The following ERBB4 variants were observed in gnomAD, a reference collection of about 807,000 sequenced individuals.
ERBB4 encodes the protein receptor tyrosine-protein kinase erbB-4.
Under a neutral mutation model 158.0 loss-of-function variants are expected in ERBB4, and 42 were observed. That is an observed-to-expected ratio of 0.27 (90% CI 0.21 to 0.34). The LOEUF is 0.34. Among genes scored for constraint, ERBB4 ranks in the 10% least tolerant of loss-of-function variants. The pLI, the probability that ERBB4 is intolerant of heterozygous loss-of-function variation, is 1.00. For synonymous variants in ERBB4, 583 were observed against 558.7 expected, an observed-to-expected ratio of 1.04 and a Z score of -0.61; for missense variants, 1,333 against 1,624.1, an observed-to-expected ratio of 0.82 and a Z score of 3.08.
At chr2:211,847,766 A>G (rs566173214) in intron 3 of ERBB4, among the ~76,000 whole-genome samples, 1 of 152,240 alleles carries the variant, frequency 6.6e-6, no homozygotes, top group East Asian at 1.9e-4. Context: ...CATCACTTCT[A>G]TTACCAGTAG....
At chr2:211,542,594 T>G (rs1021507502) in intron 20 of ERBB4, among the ~76,000 whole-genome samples, 11 of 152,056 alleles carry the variant, frequency 7.2e-5, no homozygotes, top group African/African-American at 2.7e-4. Context: ...TTCTAAAAAT[T>G]TGTATTTTAA....
intron 2 of ERBB4, among the ~76,000 whole-genome samples, chr2:211,983,499 G>C (rs970464601): frequency 1.2e-4 from 19 of 152,140 alleles, no homozygotes; most frequent in African/African-American, 4.3e-4. Context: ...TTTAATGCTA[G>C]ATCATTTTGT....
At position 211,380,926 on chromosome 2, in the gene ERBB4, C is replaced by G. The variant is rs901724016; in HGVS notation, c.*2689G>C. The G allele has an allele frequency of 4.3e-6, 1 of 231,740 alleles. No homozygotes were observed. The highest frequency in any genetic ancestry group is 2.2e-5 in the African/African-American group (1 of 45,130). The allele number at this position is 231,740 out of a possible 1,614,324, so 14.4% of individuals were successfully genotyped here. A position where few individuals can be genotyped will look rare whatever the true frequency, so the allele number is the denominator to read the frequency against. On this transcript the variant is annotated 3_prime_UTR_variant, in exon 28 of 28. Coordinates refer to ENST00000342788, the MANE Select transcript of ERBB4 (RefSeq NM_005235.3). ...TCTGCTTTCTATAGCCCAGTAGAAACCATATGCATATTGTAAATCAGAAAA... is the reference window on the plus strand; with the variant it reads ...TCTGCTTTCTATAGCCCAGTAGAAAGCATATGCATATTGTAAATCAGAAAA...
intron 1 of ERBB4, among the ~76,000 whole-genome samples, chr2:212,267,491 G>A (rs1045904195): frequency 6.6e-6 from 1 of 151,550 alleles, no homozygotes; most frequent in Non-Finnish European, 1.5e-5. Flanking sequence ...TACTTTTCAG[G>A]TGACTGCTTT....
rs186867188 is a variant in ERBB4 at position 211,846,452 on chromosome 2, C to T, written c.422-58293G>A. ...AGCAATATTTTTCCACTCTGTAAAC[C>T]ATCTGATCCCTAGGCTAATGTCCTC... On this transcript the variant is annotated intron_variant, in intron 3 of 27. Transcript: ENST00000342788. Among the ~76,000 whole-genome samples, 74 of 152,120 alleles carry T rather than the reference C, an allele frequency of 4.9e-4. 1 individual carries two copies. In the South Asian group the frequency reaches 7.7e-3, roughly 16 times the overall value.
intron 2 of ERBB4, among the ~76,000 whole-genome samples, chr2:212,030,228 G>A (rs562339996): frequency 4.0e-4 from 61 of 152,136 alleles, no homozygotes; most frequent in Middle Eastern, 3.4e-3. Flanking sequence ...TTCAAAAGGA[G>A]CCTCATATAT....
chr2:212,055,766 A>C (rs925245650), intron 2 of ERBB4, among the ~76,000 whole-genome samples: 15 of 152,346 alleles, frequency 9.8e-5, no homozygotes, highest in Admixed American at 2.6e-4. Flanking sequence ...TCCACACCAA[A>C]ACCCCATCTG....
At chr2:211,414,788 T>G (rs1311038050) in intron 25 of ERBB4, among the ~76,000 whole-genome samples, 1 of 152,054 alleles carries the variant, frequency 6.6e-6, no homozygotes, top group Non-Finnish European at 1.5e-5. Flanking sequence ...AATATGGCCT[T>G]TGTGTGGGAC....
At chr2:211,662,457 T>C (rs186989646) in intron 15 of ERBB4, among the ~76,000 whole-genome samples, 83 of 152,318 alleles carry the variant, frequency 5.4e-4, no homozygotes, top group African/African-American at 1.9e-3. Flanking sequence ...ATAAATTAAA[T>C]AATATAAATT....
chr2:212,507,641 G>T (rs111939171), intron 1 of ERBB4, among the ~76,000 whole-genome samples: 1 of 152,182 alleles, frequency 6.6e-6, no homozygotes, highest in Non-Finnish European at 1.5e-5. Flanking sequence ...AGATGAGGTA[G>T]AAAGAGAACT....
intron 20 of ERBB4, among the ~76,000 whole-genome samples, chr2:211,474,514 AT>A (rs1208232951): frequency 6.6e-6 from 1 of 152,068 alleles, no homozygotes; most frequent in African/African-American, 2.4e-5. Flanking sequence ...GGTAGATAGA[AT>A]CTAGGATGAT....
intron 1 of ERBB4, among the ~76,000 whole-genome samples, chr2:212,229,328 C>A (rs2083585638): frequency 6.6e-6 from 1 of 152,116 alleles, no homozygotes; most frequent in Non-Finnish European, 1.5e-5. Flanking sequence ...TCGGTGAAGT[C>A]TGGATGGACT....
At chr2:211,910,212 T>C (rs948513895) in intron 3 of ERBB4, among the ~76,000 whole-genome samples, 24 of 151,604 alleles carry the variant, frequency 1.6e-4, no homozygotes, top group Admixed American at 1.4e-3. Flanking sequence ...CTACCATGCC[T>C]GGCCAACTTT....
At chr2:211,460,011 T>A (rs2064488309) in intron 20 of ERBB4, among the ~76,000 whole-genome samples, 1 of 152,046 alleles carries the variant, frequency 6.6e-6, no homozygotes, top group African/African-American at 2.4e-5. Flanking sequence ...AAAAATCAGA[T>A]AATATTAACA....
chr2:212,363,228 T>C (rs1023340370), intron 1 of ERBB4, among the ~76,000 whole-genome samples: 1 of 151,454 alleles, frequency 6.6e-6, no homozygotes, highest in Non-Finnish European at 1.5e-5. Context: ...AGACTTGTAT[T>C]TGCAAAATAT....
chr2:211,479,708 T>C (rs943102343), intron 20 of ERBB4, among the ~76,000 whole-genome samples: 14 of 152,172 alleles, frequency 9.2e-5, no homozygotes, highest in African/African-American at 3.4e-4. Context: ...CATGTATTCA[T>C]GCTCTGCCAA....
intron 1 of ERBB4, among the ~76,000 whole-genome samples, chr2:212,242,082 C>T (rs1326222897): frequency 1.3e-5 from 2 of 151,860 alleles, no homozygotes; most frequent in African/African-American, 2.4e-5. Context: ...ATTGGTTTTA[C>T]ATTTCCAAGT....
At chr2:212,147,226 G>A (rs1158000238) in intron 1 of ERBB4, among the ~76,000 whole-genome samples, 3 of 125,928 alleles carry the variant, frequency 2.4e-5, no homozygotes, top group South Asian at 2.5e-4. Context: ...GGCTGGTCTC[G>A]AACTCCTGTG....
At chr2:211,990,148 T>G (rs2082034974) in intron 2 of ERBB4, among the ~76,000 whole-genome samples, 1 of 152,020 alleles carries the variant, frequency 6.6e-6, no homozygotes, top group African/African-American at 2.4e-5. Context: ...CTATCATGAA[T>G]TAAACAATTT....
Sources: allele counts gnomAD v4.1 joint callset (sites outside exome capture counted in the v4.1 genomes callset), GRCh38; gene constraint gnomAD v4.1.1; transcripts MANE v1.5; gene names NCBI Gene and HGNC (gene_info 2026-07-23, HGNC 2026-07-21).